The following NRXN1 variants were observed in gnomAD, a reference collection of about 807,000 sequenced individuals.
The protein encoded by NRXN1 is neurexin 1.
A neutral mutation model predicts 150.9 loss-of-function variants in NRXN1; 39 were observed. That is an observed-to-expected ratio of 0.26 (90% confidence interval 0.20 to 0.34). The LOEUF is 0.34. NRXN1 is among the 10% of genes least tolerant of loss of function. The probability of loss-of-function intolerance (pLI) is 1.00; values close to 1 mark genes in which losing one functional copy is unlikely to be tolerated. For synonymous variants in NRXN1, 924 were observed against 757.0 expected (o/e 1.22, Z -3.62); for missense variants, 1,815 against 1,949.9 (o/e 0.93, Z 1.30).
At chr2:50,161,803 G>T (rs1339169102) in intron 18 of NRXN1, among the ~76,000 whole-genome samples, 4 of 152,218 alleles carry the variant, frequency 2.6e-5, no homozygotes, top group South Asian at 4.1e-4. Context: ...TGCCAGCCAT[G>T]TTGAAGTTGC....
chr2:50,715,367 C>T (rs1318637954), intron 5 of NRXN1, among the ~76,000 whole-genome samples: 1 of 152,148 alleles, frequency 6.6e-6, no homozygotes, highest in Non-Finnish European at 1.5e-5. Context: ...CCTTCCACTA[C>T]TTGACCTTCA....
chr2:50,426,441 T>C (rs12613702), intron 17 of NRXN1, among the ~76,000 whole-genome samples: 42,159 of 152,092 alleles, frequency 0.28, 6,042 homozygotes, highest in East Asian at 0.39. Context: ...TTTGATGTAT[T>C]TTATAAATGA....
chr2:50,558,634 G>A (rs1291241776), intron 8 of NRXN1, among the ~76,000 whole-genome samples: 1 of 152,172 alleles, frequency 6.6e-6, no homozygotes, highest in African/African-American at 2.4e-5. Flanking sequence ...CAACAGGTAT[G>A]TCATTTAGAA....
chr2:50,586,753 A>C (rs1296293655), intron 8 of NRXN1, among the ~76,000 whole-genome samples: 5 of 152,202 alleles, frequency 3.3e-5, no homozygotes, highest in African/African-American at 1.2e-4. Context: ...AAAACATAGA[A>C]GCTAACACCT....
At chr2:50,640,607 C>G (rs1683935471) in intron 5 of NRXN1, among the ~76,000 whole-genome samples, 1 of 152,092 alleles carries the variant, frequency 6.6e-6, no homozygotes, top group Admixed American at 6.6e-5. Context: ...TGTAAAACCA[C>G]ACAAATGAAT....
intron 5 of NRXN1, among the ~76,000 whole-genome samples, chr2:50,894,909 C>T (rs1177639890): frequency 6.6e-6 from 1 of 152,036 alleles, no homozygotes; most frequent in Non-Finnish European, 1.5e-5. Context: ...ATTTCCTGGC[C>T]TTCTCCCAAG....
At chr2:50,188,706 G>C (rs540774846) in intron 18 of NRXN1, among the ~76,000 whole-genome samples, 2 of 151,700 alleles carry the variant, frequency 1.3e-5, no homozygotes, top group African/African-American at 4.8e-5. Flanking sequence ...AGTGGATGAA[G>C]AATATGAACA....
intron 18 of NRXN1, among the ~76,000 whole-genome samples, chr2:50,230,393 T>C (rs2064828412): frequency 6.6e-6 from 1 of 152,052 alleles, no homozygotes; most frequent in South Asian, 2.1e-4. Context: ...GCTGAAGACA[T>C]TAAATTTTAG....
At chr2:50,551,795 T>C (rs1201564051) in intron 9 of NRXN1, among the ~76,000 whole-genome samples, 2 of 152,084 alleles carry the variant, frequency 1.3e-5, no homozygotes, top group Non-Finnish European at 2.9e-5. Flanking sequence ...CTTCTCTCTC[T>C]CTCTCTTCCT....
At chr2:50,458,844 T>C (rs557899215) in intron 17 of NRXN1, among the ~76,000 whole-genome samples, 25 of 152,232 alleles carry the variant, frequency 1.6e-4, no homozygotes, top group African/African-American at 5.3e-4. Flanking sequence ...CTTCCCAAAG[T>C]GCTGGGATTA....
At chr2:50,691,183 CTAAG>C (rs1427298789) in intron 5 of NRXN1, among the ~76,000 whole-genome samples, 3 of 152,022 alleles carry the variant, frequency 2.0e-5, no homozygotes, top group Non-Finnish European at 4.4e-5. Flanking sequence ...ATTTTATACC[CTAAG>C]TGATGATTAG....
intron 5 of NRXN1, among the ~76,000 whole-genome samples, chr2:50,800,906 G>T (rs549607913): frequency 6.6e-6 from 1 of 152,148 alleles, no homozygotes; most frequent in African/African-American, 2.4e-5. Flanking sequence ...ATGACATTTG[G>T]AACTATTTTT....
intron 9 of NRXN1, among the ~76,000 whole-genome samples, chr2:50,547,745 G>A (rs1018307675): frequency 6.6e-6 from 1 of 152,126 alleles, no homozygotes; most frequent in African/African-American, 2.4e-5. Flanking sequence ...CCTGCACTTG[G>A]TATGGTTTCT....
At chr2:50,488,989 C>T (rs978357385) in intron 15 of NRXN1, among the ~76,000 whole-genome samples, 1 of 152,176 alleles carries the variant, frequency 6.6e-6, no homozygotes, top group African/African-American at 2.4e-5. Context: ...TGAGCACCTG[C>T]AGGTACTTGC....
At chr2:50,310,379 C>T (rs2075075357) in intron 17 of NRXN1, among the ~76,000 whole-genome samples, 2 of 152,100 alleles carry the variant, frequency 1.3e-5, no homozygotes, top group African/African-American at 2.4e-5. Flanking sequence ...AACTACAATT[C>T]AATATATTTC....
chr2:50,786,616 C>T (rs1705153790), intron 5 of NRXN1, among the ~76,000 whole-genome samples: 1 of 152,138 alleles, frequency 6.6e-6, no homozygotes, highest in African/African-American at 2.4e-5. Flanking sequence ...GATTATTCTT[C>T]TACCTGCTTA....
intron 17 of NRXN1, among the ~76,000 whole-genome samples, chr2:50,295,774 G>T (rs2152949548): frequency 6.6e-6 from 1 of 152,284 alleles, no homozygotes; most frequent in African/African-American, 2.4e-5. Flanking sequence ...GAGGAAGTCA[G>T]TAGGCATAAG....
At chr2:50,963,215 C>T (rs188386492) in intron 2 of NRXN1, among the ~76,000 whole-genome samples, 1 of 151,700 alleles carries the variant, frequency 6.6e-6, no homozygotes, top group East Asian at 1.9e-4. Flanking sequence ...CAGGATGCTG[C>T]TGCCTATTAA....
chr2:50,696,982 G>A (rs1057402354), intron 5 of NRXN1, among the ~76,000 whole-genome samples: 1 of 152,012 alleles, frequency 6.6e-6, no homozygotes, highest in Non-Finnish European at 1.5e-5. Flanking sequence ...TGTTGCTTTT[G>A]TCTCATTGAG....
Sources: gnomAD v4.1 joint callset for allele counts (sites outside exome capture counted in the v4.1 genomes callset) on GRCh38, gnomAD v4.1.1 for gene constraint, MANE v1.5 for transcripts, NCBI Gene and HGNC (gene_info 2026-07-23, HGNC 2026-07-21) for gene names.